Variants in PPARGC1A observed in about 807,000 individuals in gnomAD.
The protein encoded by PPARGC1A is peroxisome proliferator-activated receptor gamma coactivator 1-alpha.
PPARGC1A carries 25 observed loss-of-function variants against 88.7 expected under a neutral mutation model. That is an observed-to-expected ratio of 0.28 (90% confidence interval 0.21 to 0.39). The LOEUF (loss-of-function observed/expected upper bound fraction) is 0.39. Among genes scored for constraint, PPARGC1A ranks in the 10% least tolerant of loss-of-function variants. PPARGC1A has a pLI of 1.00. For missense variants in PPARGC1A, 880 were observed against 968.7 expected, an observed-to-expected ratio of 0.91 and a Z score of 1.22; for synonymous variants, 363 against 355.6, an observed-to-expected ratio of 1.02 and a Z score of -0.24.
chr4:24,253,785 A>G, the PPARGC1A span, among the ~76,000 whole-genome samples: 2 of 152,218 alleles, frequency 1.3e-5, no homozygotes, highest in Non-Finnish European at 2.9e-5. Flanking sequence ...TATGTTCTCA[A>G]ACAGACCATA....
chr4:23,945,128 GTCTC>G, the PPARGC1A span, among the ~76,000 whole-genome samples: 19 of 149,934 alleles, frequency 1.3e-4, no homozygotes, highest in African/African-American at 3.2e-4. Context: ...CTCTGTCTCT[GTCTC>G]TCTCTCTCTC....
At chr4:24,116,172 GTTTAT>G in the PPARGC1A span, among the ~76,000 whole-genome samples, 11 of 152,148 alleles carry the variant, frequency 7.2e-5, no homozygotes, top group East Asian at 1.9e-4. Context: ...TACGATTTTT[GTTTAT>G]TTTATCTTGG....
the PPARGC1A span, among the ~76,000 whole-genome samples, chr4:24,083,882 A>G: frequency 6.6e-6 from 1 of 152,216 alleles, no homozygotes; most frequent in Non-Finnish European, 1.5e-5. Flanking sequence ...GTCCTGTCTA[A>G]CAAACAGTCA....
At chr4:24,037,739 C>T in the PPARGC1A span, among the ~76,000 whole-genome samples, 2 of 152,114 alleles carry the variant, frequency 1.3e-5, no homozygotes, top group Non-Finnish European at 2.9e-5. Context: ...TCTTGCCAAA[C>T]CTCTTTGTAT....
chr4:24,234,042 G>C, the PPARGC1A span, among the ~76,000 whole-genome samples: 1 of 152,216 alleles, frequency 6.6e-6, no homozygotes, highest in East Asian at 1.9e-4. Flanking sequence ...AATAACGCCA[G>C]GGAGGAGAGA....
chr4:24,329,388 G>A, the PPARGC1A span, among the ~76,000 whole-genome samples: 291 of 152,010 alleles, frequency 1.9e-3, 1 homozygote, highest in Middle Eastern at 0.014. Context: ...GAGGCCCTGC[G>A]TGATGGGGTC....
the PPARGC1A span, among the ~76,000 whole-genome samples, chr4:24,287,634 GCACA>G: frequency 2.1e-3 from 304 of 142,136 alleles, no homozygotes; most frequent in African/African-American, 4.8e-3. Context: ...AACACCACAT[GCACA>G]CACACACACA....
chr4:23,845,095 A>T (rs1205216790), intron 2 of PPARGC1A, among the ~76,000 whole-genome samples: 1 of 151,858 alleles, frequency 6.6e-6, no homozygotes, highest in Non-Finnish European at 1.5e-5. Flanking sequence ...TTTAACAAAC[A>T]TCGCACAAGA....
chr4:24,020,610 C>T, the PPARGC1A span, among the ~76,000 whole-genome samples: 5 of 152,206 alleles, frequency 3.3e-5, no homozygotes, highest in South Asian at 2.1e-4. Context: ...CTTATCTTTC[C>T]AAAGAGATCG....
the PPARGC1A span, among the ~76,000 whole-genome samples, chr4:24,458,996 C>A: frequency 6.6e-6 from 1 of 151,660 alleles, no homozygotes; most frequent in African/African-American, 2.4e-5. Flanking sequence ...GGTTTTGATT[C>A]GATTTTTCTT....
intron 2 of PPARGC1A, among the ~76,000 whole-genome samples, chr4:23,880,490 A>G (rs996571351): frequency 6.6e-6 from 1 of 152,044 alleles, no homozygotes; most frequent in African/African-American, 2.4e-5. Flanking sequence ...CAGATTCCCT[A>G]CTCCTCAAAT....
At chr4:24,173,180 C>A in the PPARGC1A span, among the ~76,000 whole-genome samples, 2 of 151,998 alleles carry the variant, frequency 1.3e-5, no homozygotes, top group African/African-American at 2.4e-5. Flanking sequence ...CAGAGTGGAG[C>A]TGAAATTCTG....
At chr4:24,062,503 AC>A in the PPARGC1A span, among the ~76,000 whole-genome samples, 2 of 152,198 alleles carry the variant, frequency 1.3e-5, no homozygotes, top group Non-Finnish European at 2.9e-5. Context: ...AGCACAGTGT[AC>A]TGCTCTCTGC....
the PPARGC1A span, among the ~76,000 whole-genome samples, chr4:24,282,473 G>A: frequency 1.5e-4 from 23 of 152,234 alleles, no homozygotes; most frequent in Non-Finnish European, 7.3e-5. Context: ...TTTAGGTGAC[G>A]AGTGAAAAAT....
At chr4:24,249,176 A>G in the PPARGC1A span, among the ~76,000 whole-genome samples, 2 of 152,174 alleles carry the variant, frequency 1.3e-5, no homozygotes, top group African/African-American at 4.8e-5. Flanking sequence ...TGCCAAGTCT[A>G]TATCCTGAAC....
the PPARGC1A span, among the ~76,000 whole-genome samples, chr4:24,350,595 G>A: frequency 6.6e-6 from 1 of 152,160 alleles, no homozygotes; most frequent in African/African-American, 2.4e-5. Context: ...TCACATGAAA[G>A]AATGTATTTA....
Position 23,824,137 on chromosome 4 carries a change from A to G in PPARGC1A, c.877+143T>C, listed in dbSNP as rs1004217606. On this transcript the variant is annotated intron_variant, in intron 7 of 12. Transcript: ENST00000264867. Reference sequence around the variant, plus strand: ...TTTTTTTTTAAATAAACAACTGGAAATATTTGCAGATAACTTCTTATCCAA... The same window carrying G: ...TTTTTTTTTAAATAAACAACTGGAAGTATTTGCAGATAACTTCTTATCCAA... The G allele has an allele frequency of 3.0e-5, 21 of 692,094 alleles. 1 individual carries two copies. Among genetic ancestry groups the G allele is most frequent in the Middle Eastern group, 7.1e-4 (2 of 2,834 alleles). The allele number at this position is 692,094 out of a possible 1,614,324, so 42.9% of individuals were successfully genotyped here.
At chr4:24,256,455 G>A in the PPARGC1A span, among the ~76,000 whole-genome samples, 1 of 152,120 alleles carries the variant, frequency 6.6e-6, no homozygotes, top group Non-Finnish European at 1.5e-5. Flanking sequence ...TAGTAAACAG[G>A]AGACTTCGTG....
At chr4:23,961,351 A>T in the PPARGC1A span, among the ~76,000 whole-genome samples, 1 of 152,186 alleles carries the variant, frequency 6.6e-6, no homozygotes, top group South Asian at 2.1e-4. Context: ...TGCAGCTAAA[A>T]CAAATGATAT....
Sources: gnomAD v4.1 joint callset for allele counts (sites outside exome capture counted in the v4.1 genomes callset) on GRCh38, gnomAD v4.1.1 for gene constraint, MANE v1.5 for transcripts, NCBI Gene and HGNC (gene_info 2026-07-23, HGNC 2026-07-21) for gene names.